The following AKAP13 variants were observed in gnomAD, a reference collection of about 807,000 sequenced individuals.
AKAP13 encodes A-kinase anchor protein 13.
Under a neutral mutation model 264.5 loss-of-function variants are expected in AKAP13, and 80 were observed. The ratio of observed to expected loss-of-function variants is 0.30; its 90% confidence interval spans 0.25 to 0.36. AKAP13 has a LOEUF of 0.36. Among genes scored for constraint, AKAP13 ranks in the 10% least tolerant of loss-of-function variants. The pLI is 1.00. For synonymous variants in AKAP13, 1,380 were observed against 1,250.2 expected (o/e 1.10, Z -2.19); for missense variants, 3,712 against 3,435.2 (o/e 1.08, Z -2.01).
intron 13 of AKAP13, among the ~76,000 whole-genome samples, chr15:85,666,213 C>A (rs2083589091): frequency 6.6e-6 from 1 of 152,150 alleles, no homozygotes; most frequent in African/African-American, 2.4e-5. Flanking sequence ...TTAATGATCA[C>A]CATTCTAACT....
At chr15:85,410,734 C>T (rs535773883) in intron 1 of AKAP13, among the ~76,000 whole-genome samples, 1 of 151,544 alleles carries the variant, frequency 6.6e-6, no homozygotes, top group Admixed American at 6.6e-5. Context: ...TTTTTCAGGG[C>T]CTAACTCAAA....
intron 1 of AKAP13, among the ~76,000 whole-genome samples, chr15:85,454,889 C>T (rs1314821480): frequency 2.0e-5 from 3 of 152,162 alleles, no homozygotes; most frequent in Non-Finnish European, 2.9e-5. Context: ...AGAAATTGAT[C>T]CAGATTATCT....
chr15:85,671,835 T>G (rs940179514), intron 14 of AKAP13, among the ~76,000 whole-genome samples: 4 of 152,156 alleles, frequency 2.6e-5, no homozygotes, highest in African/African-American at 9.7e-5. Context: ...TGTCGTGACA[T>G]AGTGGATATT....
At chr15:85,677,063 C>G (rs1188442616) in intron 14 of AKAP13, 1 of 985,252 alleles carries the variant, frequency 1.0e-6, no homozygotes, top group African/African-American at 1.7e-5. Context: ...TCTCTTGGCT[C>G]TTCTTATTCG....
At chr15:85,639,350 C>G in intron 8 of AKAP13, 24 bp from the exon 9 acceptor site, 1 of 1,546,876 alleles carries the variant, frequency 6.5e-7, no homozygotes, top group Non-Finnish European at 8.9e-7. Flanking sequence ...ATGTCTGAAA[C>G]TCTGTGTTTT....
intron 2 of AKAP13, among the ~76,000 whole-genome samples, chr15:85,512,745 A>G (rs1451394085): frequency 3.9e-5 from 6 of 152,182 alleles, no homozygotes; most frequent in Admixed American, 3.9e-4. Flanking sequence ...CATTCAGAAA[A>G]TGCAGTAGTA....
chr15:85,731,288 G>T (rs559573119), intron 30 of AKAP13, among the ~76,000 whole-genome samples: 1 of 152,254 alleles, frequency 6.6e-6, no homozygotes, highest in Admixed American at 6.5e-5. Flanking sequence ...TTATAGGCGT[G>T]AGCCACTGCA....
At chr15:85,633,644 C>G (rs375394196) in intron 8 of AKAP13, among the ~76,000 whole-genome samples, 2 of 147,624 alleles carry the variant, frequency 1.4e-5, no homozygotes, top group African/African-American at 5.0e-5. Context: ...CCCGGGTTCA[C>G]GCCATTCTCC....
chr15:85,658,458 G>A (rs2083198463), intron 11 of AKAP13, 79 bp from the exon 12 acceptor site: 2 of 1,220,828 alleles, frequency 1.6e-6, no homozygotes, highest in Non-Finnish European at 2.4e-6. Context: ...TCTCCCCAGT[G>A]TGGTGTCTGT....
intron 8 of AKAP13, 48 bp from the exon 9 acceptor site, chr15:85,639,326 C>G (rs1363540617): frequency 7.4e-7 from 1 of 1,348,118 alleles, no homozygotes; most frequent in South Asian, 1.2e-5. Flanking sequence ...GTAAAATTAT[C>G]TCACATTACT....
At position 85,693,377 on chromosome 15, in the gene AKAP13, T is replaced by C. The variant is rs1398510080; in HGVS notation, c.5390T>C (p.Ile1797Thr). The C allele has an allele frequency of 6.2e-7, 1 of 1,614,030 alleles. No homozygotes were observed. The highest frequency in any genetic ancestry group is 8.5e-7 in the Non-Finnish European group (1 of 1,179,990). ...GTCAACGGGCACACTTTCAGTTCCATTCCTGTTGTGGGTCCCATCAGCTGT... is the reference window on the plus strand; with the variant it reads ...GTCAACGGGCACACTTTCAGTTCCACTCCTGTTGTGGGTCCCATCAGCTGT... ...KTVNGHTFSS[I>T]PVVGPISCSQ... The change falls in exon 17 of 37, where the codon ATT becomes ACT. Residue 1797 changes from isoleucine (I) to threonine (T), a missense_variant. Transcript: ENST00000394518.
At chr15:85,694,316 G>A (rs2085451012) in intron 17 of AKAP13, among the ~76,000 whole-genome samples, 1 of 152,188 alleles carries the variant, frequency 6.6e-6, no homozygotes, top group African/African-American at 2.4e-5. Flanking sequence ...GGCAGGAGTT[G>A]CTTAACTTTT....
chr15:85,522,724 G>T (rs1426766087), intron 3 of AKAP13, among the ~76,000 whole-genome samples: 2 of 152,030 alleles, frequency 1.3e-5, no homozygotes, highest in East Asian at 1.9e-4. Flanking sequence ...AGCAGAATGG[G>T]TATTAGACTC....
intron 1 of AKAP13, among the ~76,000 whole-genome samples, chr15:85,461,067 T>G (rs1293167745): frequency 1.2e-4 from 19 of 152,110 alleles, no homozygotes; most frequent in Admixed American, 1.0e-3. Context: ...TAATTTCTTA[T>G]TTTTCACTAG....
At chr15:85,462,267 G>A (rs2074548600) in intron 1 of AKAP13, among the ~76,000 whole-genome samples, 1 of 152,192 alleles carries the variant, frequency 6.6e-6, no homozygotes, top group Non-Finnish European at 1.5e-5. Flanking sequence ...GAAAGAGAGT[G>A]CCCTGCCAGG....
intron 1 of AKAP13, among the ~76,000 whole-genome samples, chr15:85,431,447 A>T (rs1332895134): frequency 6.6e-6 from 1 of 152,230 alleles, no homozygotes; most frequent in African/African-American, 2.4e-5. Flanking sequence ...AAGAGATTTT[A>T]TAAGGATGAA....
intron 8 of AKAP13, among the ~76,000 whole-genome samples, chr15:85,635,530 T>C (rs2082033822): frequency 6.6e-6 from 1 of 152,166 alleles, no homozygotes. Flanking sequence ...TTTGTTTTCC[T>C]AACAGTGGCT....
rs542587955 is a variant in AKAP13 at position 85,458,234 on chromosome 15, C to T, written c.-11-27476C>T. Among the ~76,000 whole-genome samples the T allele has an allele frequency of 2.0e-4, 30 of 151,182 alleles. No homozygotes were observed. The East Asian group carries it at 2.1e-3, about 11-fold the overall frequency. On this transcript the variant is annotated intron_variant, in intron 1 of 36. Transcript: ENST00000394518. The stretch of plus-strand genomic sequence containing the variant: ...GATTTTTAGTAATACATGTTTGTTA[C>T]GGAAATTCTGAAATATGTAGACCTT...
At chr15:85,572,126 A>G (rs537636454) in intron 5 of AKAP13, among the ~76,000 whole-genome samples, 2 of 152,364 alleles carry the variant, frequency 1.3e-5, no homozygotes, top group Admixed American at 6.5e-5. Flanking sequence ...AGAATACTCC[A>G]TTTCATGGAG....
Sources: gnomAD v4.1 joint callset for allele counts (sites outside exome capture counted in the v4.1 genomes callset) on GRCh38, gnomAD v4.1.1 for gene constraint, MANE v1.5 for transcripts, NCBI Gene and HGNC (gene_info 2026-07-23, HGNC 2026-07-21) for gene names.